PHACTR2: variants seen among roughly 807,000 people sequenced by gnomAD.
The protein encoded by PHACTR2 is phosphatase and actin regulator 2.
In PHACTR2, 30 loss-of-function variants were observed where a neutral mutation model predicts 76.0. The ratio of observed to expected loss-of-function variants is 0.39; its 90% CI spans 0.30 to 0.54. The LOEUF is 0.54. Ranked by LOEUF, PHACTR2 falls within the 20% of genes least tolerant of loss-of-function variation. PHACTR2 has a pLI of 0.61. For synonymous variants in PHACTR2, 292 were observed against 292.5 expected (o/e 1.00, Z 0.02); for missense variants, 696 against 781.1 (o/e 0.89, Z 1.30).
At chr6:143,666,035 ACCC>A (rs1244672901) in intron 1 of PHACTR2, among the ~76,000 whole-genome samples, 1 of 137,170 alleles carries the variant, frequency 7.3e-6, no homozygotes, top group Non-Finnish European at 1.6e-5. Context: ...CCCCCAAACC[ACCC>A]CCCAACAGGC....
At chr6:143,704,702 G>A (rs1166084779) in intron 1 of PHACTR2, among the ~76,000 whole-genome samples, 1 of 152,040 alleles carries the variant, frequency 6.6e-6, no homozygotes, top group Non-Finnish European at 1.5e-5. Flanking sequence ...TTTCCCTAAT[G>A]TCGTCTTTTT....
At chr6:143,815,996 A>G (rs1776287438) in intron 12 of PHACTR2, among the ~76,000 whole-genome samples, 2 of 152,332 alleles carry the variant, frequency 1.3e-5, no homozygotes, top group South Asian at 2.1e-4. Context: ...TCTGAATTCC[A>G]TAACTTAAAA....
In PHACTR2 at chr6:143,695,884, T is replaced by C. The variant is rs904425848; in HGVS notation, c.47-16132T>C. Among the ~76,000 whole-genome samples, 3 of 152,220 alleles carry C rather than the reference T, an allele frequency of 2.0e-5. No individual in the cohort carries two copies. The highest frequency in any genetic ancestry group is 7.2e-5 in the African/African-American group (3 of 41,450). ...AGCCGTAGCAACACATCTTATACGG[T>C]GCAGGATTTTTAAAAACCAAAAGGA... is the stretch of plus-strand genomic sequence containing the variant. On this transcript the variant is annotated intron_variant, in intron 1 of 12. Transcript: ENST00000440869. This position sits in a 1 kb window ranked among gnomAD's most constrained non-coding sequence, Gnocchi z 4.4.
At position 143,546,199 on chromosome 6, in the gene PHACTR2, G is replaced by T. The variant is rs9484764; in HGVS notation, c.217+8992G>T. Among the ~76,000 whole-genome samples the T allele has an allele frequency of 0.6, 91,598 of 151,918 alleles. 28,266 individuals carry two copies. The highest frequency in any genetic ancestry group is 0.71 in the Middle Eastern group (208 of 294). ...GCACAGAGAAGTAGGTTGCAGCAGC[G>T]TGCCTTAGAAAGATTTCTGAGCTCT... is the stretch of plus-strand genomic sequence containing the variant. On this transcript the variant is annotated intron_variant, in intron 1 of 11. Coordinates refer to the PHACTR2 transcript ENST00000367584. The surrounding 1 kb of genome is among the most constrained non-coding windows in gnomAD (Gnocchi z 4.9).
upstream of PHACTR2, among the ~76,000 whole-genome samples, chr6:143,604,990 AG>A (rs1173832034): frequency 1.5e-4 from 16 of 107,556 alleles, no homozygotes; most frequent in East Asian, 2.5e-3. Context: ...AGTTGCTAAT[AG>A]GGTTTTTTTT....
Position 143,765,317 on chromosome 6 carries a change from A to G in PHACTR2, c.751A>G (p.Thr251Ala), listed in dbSNP as rs904608222. The G allele has an allele frequency of 1.9e-6, 3 of 1,614,044 alleles. No homozygotes were observed. The highest frequency in any genetic ancestry group is 2.5e-6 in the Non-Finnish European group (3 of 1,180,038). Reference protein sequence around the residue: ...TGSKASASPSTSSTSSRPKAS... With the variant: ...TGSKASASPSASSTSSRPKAS... Reference sequence around the variant, plus strand: ...CTCTAAAGCATCAGCTTCGCCATCCACTTCATCCACCTCATCTCGTCCCAA... The same window carrying G: ...CTCTAAAGCATCAGCTTCGCCATCCGCTTCATCCACCTCATCTCGTCCCAA... Residue 251 changes from threonine to alanine, a missense_variant, in exon 6 of 13, where the codon ACT becomes GCT. Physicochemically the swap from Thr to Ala is moderately conservative, Grantham distance 58. Around this residue, in one of 2 missense-constraint regions of PHACTR2, gnomAD observed 460 missense variants for 450.9 expected, o/e 1.02. Transcript: ENST00000440869. This position sits in a 1 kb window ranked among gnomAD's most constrained non-coding sequence, Gnocchi z 4.1.
At chr6:143,650,789 A>G (rs1004423718) in intron 1 of PHACTR2, among the ~76,000 whole-genome samples, 1 of 152,236 alleles carries the variant, frequency 6.6e-6, no homozygotes, top group Non-Finnish European at 1.5e-5. Flanking sequence ...TTTCATGACG[A>G]AAACACCAAA....
At chr6:143,682,771 T>G (rs951284640) in intron 1 of PHACTR2, among the ~76,000 whole-genome samples, 6 of 133,896 alleles carry the variant, frequency 4.5e-5, no homozygotes, top group African/African-American at 1.6e-4. Flanking sequence ...AAAAGTTGTT[T>G]TTTTGTTTTT....
intron 6 of PHACTR2, among the ~76,000 whole-genome samples, chr6:143,768,362 G>A (rs568041559): frequency 8.5e-4 from 129 of 152,320 alleles, no homozygotes; most frequent in African/African-American, 3.1e-3. Context: ...ACAAAAGTGA[G>A]CAAGGCAATA....
chr6:143,792,615 G>A (rs1350908235), intron 11 of PHACTR2, among the ~76,000 whole-genome samples: 1 of 152,162 alleles, frequency 6.6e-6, no homozygotes, highest in Non-Finnish European at 1.5e-5. Context: ...TCATGAGGTT[G>A]ACTAAGGTCA....
intron 2 of PHACTR2, among the ~76,000 whole-genome samples, chr6:143,735,588 C>T (rs1292420523): frequency 6.6e-6 from 1 of 152,044 alleles, no homozygotes; most frequent in African/African-American, 2.4e-5. Flanking sequence ...AACAACTTCC[C>T]ATCCCCCCAC....
At chr6:143,693,928 G>A (rs897924580) in intron 1 of PHACTR2, among the ~76,000 whole-genome samples, 1 of 152,140 alleles carries the variant, frequency 6.6e-6, no homozygotes, top group African/African-American at 2.4e-5. Context: ...AATTATGTGG[G>A]TGTGGTGGTG....
At position 143,693,683 on chromosome 6, in the gene PHACTR2, A is replaced by C. The variant is rs191988611; in HGVS notation, c.46+15474A>C. On this transcript the variant is annotated intron_variant, in intron 1 of 12. Transcript: ENST00000440869. ...TCTGATTTTTGAGTTTCATTTCTTA[A>C]CCAATTAAGGCCTCTTCCCCACTCA... Among the ~76,000 whole-genome samples the C allele has an allele frequency of 4.3e-3, 662 of 152,282 alleles. 6 individuals carry two copies. The highest frequency in any genetic ancestry group is 0.015 in the African/African-American group (629 of 41,558).
chr6:143,575,388 A>G (rs1775494148), intron 1 of PHACTR2, among the ~76,000 whole-genome samples: 1 of 152,252 alleles, frequency 6.6e-6, no homozygotes, highest in East Asian at 1.9e-4. Context: ...ACACCTGGAA[A>G]TGTTATAATG....
chr6:143,708,747 G>A lies in PHACTR2; in HGVS notation c.47-3269G>A, dbSNP rs1312851187. On this transcript the variant is annotated intron_variant, in intron 1 of 12. Coordinates refer to ENST00000440869, the MANE Select transcript of PHACTR2 (RefSeq NM_001100164.2). The surrounding 1 kb of genome is among the most constrained non-coding windows in gnomAD (Gnocchi z 5.5). The stretch of plus-strand genomic sequence containing the variant: ...TTTAAGAGAAGTACAATGGCACATC[G>A]GCCAACTGTGCCAACATATGGTTTC... Among the ~76,000 whole-genome samples the A allele has an allele frequency of 2.0e-5, 3 of 152,222 alleles. No individual in the cohort carries two copies. Among genetic ancestry groups the A allele is most frequent in the South Asian group, 2.1e-4 (1 of 4,814 alleles).
intron 1 of PHACTR2, among the ~76,000 whole-genome samples, chr6:143,686,800 G>T (rs924840542): frequency 3.3e-5 from 5 of 152,070 alleles, no homozygotes; most frequent in Non-Finnish European, 7.4e-5. Flanking sequence ...CTTCATTCTT[G>T]AAGAGTTAGT....
intron 1 of PHACTR2, among the ~76,000 whole-genome samples, chr6:143,650,977 T>G (rs1292549476): frequency 1.3e-5 from 2 of 151,226 alleles, no homozygotes; most frequent in Non-Finnish European, 3.0e-5. Flanking sequence ...ACAAGGAACT[T>G]AAACAAATTT....
In PHACTR2 at chr6:143,570,627, C is replaced by T. The variant is rs2128431547; in HGVS notation, c.217+33420C>T. The stretch of plus-strand genomic sequence containing the variant: ...GGTGTGGCAGGCCCCTCCCCACTCT[C>T]CTGGGGCTCTCCCTCTCCCCGCTTG... On this transcript the variant is annotated intron_variant, in intron 1 of 11. Coordinates refer to the PHACTR2 transcript ENST00000367584. This position sits in a 1 kb window ranked among gnomAD's most constrained non-coding sequence, Gnocchi z 4.6. Among the ~76,000 whole-genome samples, 1 of 152,276 alleles carries T rather than the reference C, an allele frequency of 6.6e-6. No individual in the cohort carries two copies. The highest frequency in any genetic ancestry group is 1.5e-5 in the Non-Finnish European group (1 of 68,020).
chr6:143,766,776 C>T (rs1315307191), intron 6 of PHACTR2, among the ~76,000 whole-genome samples: 1 of 152,208 alleles, frequency 6.6e-6, no homozygotes, highest in African/African-American at 2.4e-5. Flanking sequence ...CATTTCATCA[C>T]TCACAAAGTC....
Sources: allele counts gnomAD v4.1 joint callset (sites outside exome capture counted in the v4.1 genomes callset), GRCh38; gene constraint gnomAD v4.1.1; regional missense constraint gnomAD v4.1.1; non-coding constraint Gnocchi (gnomAD v3.1); transcripts MANE v1.5; gene names NCBI Gene and HGNC (gene_info 2026-07-23, HGNC 2026-07-21).